Variants in SH3BP5 observed in about 807,000 individuals in gnomAD.
SH3BP5 encodes SH3 domain-binding protein 5.
In SH3BP5, 22 loss-of-function variants were observed where a neutral mutation model predicts 43.3. The observed-to-expected ratio is 0.51, with a 90% CI of 0.36 to 0.73. The LOEUF is 0.73. Ranked by LOEUF, SH3BP5 falls within the 30% of genes least tolerant of loss-of-function variation. The pLI is 0.00. For synonymous variants in SH3BP5, 255 were observed against 225.8 expected (o/e 1.13, Z -1.16); for missense variants, 529 against 586.9 (o/e 0.90, Z 1.02).
At chr3:15,338,547 G>A (rs981805371) in intron 1 of SH3BP5, among the ~76,000 whole-genome samples, 4 of 152,120 alleles carry the variant, frequency 2.6e-5, no homozygotes, top group Non-Finnish European at 2.9e-5. Context: ...AACTGGAAGC[G>A]ACTGGTGGGA....
chr3:15,262,440 A>G (rs575732227), intron 4 of SH3BP5, 151 bp from the exon 5 acceptor site: 1 of 899,280 alleles, frequency 1.1e-6, no homozygotes, highest in African/African-American at 1.7e-5. Flanking sequence ...TGGGTGGATC[A>G]CGAGGTCAGG....
chr3:15,332,423 C>G lies in SH3BP5; in HGVS notation c.-15G>C, dbSNP rs1698637950. 1.3e-6 allele frequency: 2 copies of G among 1,529,716 alleles called. No individual in the cohort carries two copies. Among genetic ancestry groups the G allele is most frequent in the East Asian group, 5.0e-5 (2 of 40,358 alleles). The allele number at this position is 1,529,716 out of a possible 1,614,324, so 94.8% of individuals were successfully genotyped here. The stretch of plus-strand genomic sequence containing the variant: ...GCCGCGTCCATGCAGGCAGCCGGCA[C>G]GCGCGCCGCGCAGTGGGCTCCGGAG... On this transcript the variant is annotated 5_prime_UTR_variant, in exon 1 of 9. Coordinates refer to ENST00000383791, the MANE Select transcript of SH3BP5 (RefSeq NM_004844.5).
intron 3 of SH3BP5, among the ~76,000 whole-genome samples, chr3:15,281,550 C>A (rs1559437584): frequency 6.6e-6 from 1 of 152,148 alleles, no homozygotes; most frequent in South Asian, 2.1e-4. Context: ...CTCCCCCAGT[C>A]CTGCCTCTCT....
At chr3:15,318,673 G>C (rs1001832983) in intron 2 of SH3BP5, among the ~76,000 whole-genome samples, 2 of 151,758 alleles carry the variant, frequency 1.3e-5, no homozygotes, top group African/African-American at 4.8e-5. Context: ...AACGATTCTT[G>C]TGCCTCAGCC....
chr3:15,259,647 C>T (rs1037911541), intron 6 of SH3BP5, 114 bp downstream of exon 6: 12 of 1,003,174 alleles, frequency 1.2e-5, no homozygotes, highest in African/African-American at 1.6e-5. Context: ...TAAAGCCTGT[C>T]TCTCCACTTT....
Position 15,326,504 on chromosome 3 carries a change from T to C in SH3BP5, c.201+4000A>G, listed in dbSNP as rs142098155. Among the ~76,000 whole-genome samples the C allele has an allele frequency of 3.9e-5, 6 of 152,302 alleles. No homozygotes were observed. The East Asian group carries it at 1.2e-3, about 29-fold the overall frequency. On this transcript the variant is annotated intron_variant, in intron 2 of 8. Coordinates refer to ENST00000383791, the MANE Select transcript of SH3BP5 (RefSeq NM_004844.5). ...TCAAAAGGCAATGGGAAAGGAAATGTGGACAGCAGAATACCTTCCCCTGGG... is the reference window on the plus strand; with the variant it reads ...TCAAAAGGCAATGGGAAAGGAAATGCGGACAGCAGAATACCTTCCCCTGGG...
At chr3:15,281,462 C>T (rs867150686) in intron 3 of SH3BP5, among the ~76,000 whole-genome samples, 24 of 152,166 alleles carry the variant, frequency 1.6e-4, no homozygotes, top group African/African-American at 5.8e-4. Flanking sequence ...CATCAGATTC[C>T]CTTGGCAGAG....
At chr3:15,293,464 C>T (rs1425460937) in intron 3 of SH3BP5, among the ~76,000 whole-genome samples, 2 of 152,228 alleles carry the variant, frequency 1.3e-5, no homozygotes, top group African/African-American at 2.4e-5. Flanking sequence ...GGAAAGTTCC[C>T]AAGGACTCCA....
At chr3:15,295,407 A>G (rs555962835) in intron 3 of SH3BP5, among the ~76,000 whole-genome samples, 1 of 152,192 alleles carries the variant, frequency 6.6e-6, no homozygotes, top group South Asian at 2.1e-4. Context: ...TTTGGCTCTC[A>G]TACTGTACAC....
intron 3 of SH3BP5, among the ~76,000 whole-genome samples, chr3:15,275,294 T>C (rs972650479): frequency 6.6e-6 from 1 of 152,248 alleles, no homozygotes; most frequent in Non-Finnish European, 1.5e-5. Flanking sequence ...ACATTGCTTC[T>C]CAGTGTCATC....
intron 2 of SH3BP5, among the ~76,000 whole-genome samples, chr3:15,319,925 G>A (rs1436908124): frequency 6.6e-6 from 1 of 152,130 alleles, no homozygotes; most frequent in Non-Finnish European, 1.5e-5. Context: ...ACAAATCATA[G>A]GCAAAATAGA....
Position 15,255,991 on chromosome 3 carries a change from G to C in SH3BP5, c.*95C>G, listed in dbSNP as rs1416324879. 9.8e-7 allele frequency: 1 copy of C among 1,023,150 alleles called. No individual in the cohort carries two copies. The highest frequency in any genetic ancestry group is 1.5e-6 in the Non-Finnish European group (1 of 675,000). The allele number at this position is 1,023,150 out of a possible 1,614,324, so 63.4% of individuals were successfully genotyped here. On this transcript the variant is annotated 3_prime_UTR_variant, in exon 9 of 9. Coordinates refer to ENST00000383791, the MANE Select transcript of SH3BP5 (RefSeq NM_004844.5). Reference sequence around the variant, plus strand: ...CATTAGAGCAGTTTAGAGTAGACGTGTAAGATTTGGCATATATTAAATGAT... The same window carrying C: ...CATTAGAGCAGTTTAGAGTAGACGTCTAAGATTTGGCATATATTAAATGAT...
At chr3:15,296,108 C>T (rs986439993) in intron 3 of SH3BP5, among the ~76,000 whole-genome samples, 33 of 152,186 alleles carry the variant, frequency 2.2e-4, no homozygotes, top group African/African-American at 7.7e-4. Flanking sequence ...CTTGCTAATT[C>T]AGTGTCTGTG....
Position 15,257,018 on chromosome 3 carries a change from T to A in SH3BP5, c.985A>T (p.Thr329Ser), listed in dbSNP as rs1256026369. ...QSVSSFSSGP[T>S]SPSEMPDQFP... ...TGGTCAGGCATCTCAGACGGGCTTG[T>A]TGGTCCTGAACTAAAGCTGGACACG... Residue 329 changes from threonine to serine, a missense_variant, in exon 8 of 9, where the codon ACA (threonine) becomes TCA (serine). Physicochemically the swap from Thr to Ser is moderately conservative, Grantham distance 58. Around this residue, in one of 3 missense-constraint regions of SH3BP5, gnomAD observed 369 missense variants for 384.3 expected, o/e 0.96. Coordinates refer to ENST00000383791, the MANE Select transcript of SH3BP5 (RefSeq NM_004844.5). 1.2e-6 allele frequency: 2 copies of A among 1,614,082 alleles called. No individual in the cohort carries two copies. The highest frequency in any genetic ancestry group is 1.7e-6 in the Non-Finnish European group (2 of 1,180,036).
intron 2 of SH3BP5, among the ~76,000 whole-genome samples, chr3:15,318,382 T>C (rs1396742306): frequency 6.6e-6 from 1 of 152,024 alleles, no homozygotes; most frequent in Non-Finnish European, 1.5e-5. Flanking sequence ...TAGAAGGAAA[T>C]TAAACCTAGA....
At chr3:15,257,272 AC>A in intron 7 of SH3BP5, 159 bp from the exon 8 acceptor site, 2 of 700,906 alleles carry the variant, frequency 2.9e-6, no homozygotes, top group Non-Finnish European at 2.3e-6. Context: ...AGCCTGAATG[AC>A]CAGCCTCTAA....
At chr3:15,338,084 G>C (rs994362139) in intron 1 of SH3BP5, among the ~76,000 whole-genome samples, 5 of 151,436 alleles carry the variant, frequency 3.3e-5, no homozygotes, top group Non-Finnish European at 1.5e-5. Flanking sequence ...GCCCACATCT[G>C]TAATCCCAGC....
At chr3:15,289,808 C>T (rs1043400452) in intron 3 of SH3BP5, among the ~76,000 whole-genome samples, 1 of 151,980 alleles carries the variant, frequency 6.6e-6, no homozygotes, top group Admixed American at 6.6e-5. Flanking sequence ...CCAACAGCTG[C>T]TCTCAATAAA....
At chr3:15,290,129 CGGTGGCT>C (rs1236767267) in intron 3 of SH3BP5, among the ~76,000 whole-genome samples, 2 of 152,068 alleles carry the variant, frequency 1.3e-5, no homozygotes, top group Non-Finnish European at 2.9e-5. Context: ...AGGCCGGGCA[CGGTGGCT>C]CACACCTGTA....
Sources: allele counts gnomAD v4.1 joint callset (sites outside exome capture counted in the v4.1 genomes callset), GRCh38; gene constraint gnomAD v4.1.1; regional missense constraint gnomAD v4.1.1; transcripts MANE v1.5; gene names NCBI Gene and HGNC (gene_info 2026-07-23, HGNC 2026-07-21).